CCDC7: variants seen among roughly 807,000 people sequenced by gnomAD.
CCDC7 encodes the protein coiled-coil domain containing 7, also known as coiled-coil domain-containing protein 7.
A neutral mutation model predicts 196.9 loss-of-function variants in CCDC7; 183 were observed. The ratio of observed to expected loss-of-function variants is 0.93; its 90% CI spans 0.82 to 1.05. The LOEUF is 1.05. CCDC7 is among the 50% of genes least tolerant of loss of function. CCDC7 has a pLI of 0.00. For missense variants in CCDC7, 1,540 were observed against 1,482.2 expected (o/e 1.04, Z -0.64); for synonymous variants, 525 against 484.6 (o/e 1.08, Z -1.10).
chr10:32,456,366 AAT>A, intron 3 of CCDC7, 32 bp downstream of exon 4: 1 of 1,438,248 alleles, frequency 7.0e-7, no homozygotes, highest in African/African-American at 1.4e-5. Flanking sequence ...TCAAGTATAA[AAT>A]ATCAAACTTG....
At chr10:32,818,473 C>G (rs1156625595) in intron 31 of CCDC7, among the ~76,000 whole-genome samples, 3 of 152,136 alleles carry the variant, frequency 2.0e-5, no homozygotes, top group Admixed American at 1.3e-4. Flanking sequence ...GAACTCAGCT[C>G]TGCACCAAGT....
At chr10:32,461,738 TATATATATATATAC>T (rs1316783256) in intron 3 of CCDC7, among the ~76,000 whole-genome samples, 1,120 of 71,880 alleles carry the variant, frequency 0.016, 15 homozygotes, top group East Asian at 0.03. Context: ...TATGTATATA[TATATATATATATAC>T]ATATATATAT....
At chr10:32,818,119 C>A (rs2089231461) in intron 31 of CCDC7, among the ~76,000 whole-genome samples, 1 of 151,920 alleles carries the variant, frequency 6.6e-6, no homozygotes, top group South Asian at 2.1e-4. Flanking sequence ...CACACATAGG[C>A]TCAAAATAAA....
chr10:32,471,417 G>T (rs929406796), intron 6 of CCDC7, among the ~76,000 whole-genome samples, 187 bp downstream of exon 7: 1 of 152,130 alleles, frequency 6.6e-6, no homozygotes, highest in Non-Finnish European at 1.5e-5. Context: ...GGAGACATTT[G>T]CTGCATGTGG....
intron 24 of CCDC7, among the ~76,000 whole-genome samples, chr10:32,701,446 C>A (rs2078705967): frequency 6.6e-6 from 1 of 152,100 alleles, no homozygotes; most frequent in South Asian, 2.1e-4. Context: ...TTTTTACATC[C>A]ATGTTCATCA....
rs558412462 is a variant in CCDC7 at position 32,504,332 on chromosome 10, G to A, written c.872+12335G>A. Among the ~76,000 whole-genome samples, 3 of 152,036 alleles carry A rather than the reference G, an allele frequency of 2.0e-5. No individual in the cohort carries two copies. In the South Asian group the frequency reaches 6.2e-4, roughly 32 times the overall value. On this transcript the variant is annotated intron_variant, in intron 9 of 41. Coordinates refer to ENST00000639629, the Ensembl canonical transcript of CCDC7. ...GGGGTTTCACCGTGTTAGCCAGGAT[G>A]GTCTTGATCTGACCATGTGATCTGC...
In CCDC7 at chr10:32,777,279, C is replaced by A. The variant is rs181260336; in HGVS notation, c.2906-1698C>A. Among the ~76,000 whole-genome samples, 3 of 152,262 alleles carry A rather than the reference C, an allele frequency of 2.0e-5. No homozygotes were observed. In the East Asian group the frequency reaches 5.8e-4, roughly 29 times the overall value. On this transcript the variant is annotated intron_variant, in intron 28 of 41. Coordinates refer to ENST00000639629, the Ensembl canonical transcript of CCDC7. ...ACCACATTTTCTATATCCAGTTCAC[C>A]ATTGATGAGCACCTACGTTGATTCT... is the stretch of plus-strand genomic sequence containing the variant.
intron 20 of CCDC7, among the ~76,000 whole-genome samples, chr10:32,644,880 A>G (rs1248486464): frequency 6.6e-6 from 1 of 152,316 alleles, no homozygotes; most frequent in South Asian, 2.1e-4. Flanking sequence ...TGTCTTTATC[A>G]GCAACATGAA....
intron 8 of CCDC7, among the ~76,000 whole-genome samples, chr10:32,488,461 G>A (rs1004563312): frequency 2.0e-5 from 3 of 152,104 alleles, no homozygotes; most frequent in Admixed American, 6.5e-5. Flanking sequence ...GCTGTGCTTC[G>A]GCTGATGCTC....
intron 29 of CCDC7, among the ~76,000 whole-genome samples, chr10:32,796,620 C>T (rs1258636688): frequency 6.6e-6 from 1 of 152,166 alleles, no homozygotes; most frequent in Non-Finnish European, 1.5e-5. Flanking sequence ...ACTTATTTGC[C>T]ATGCCCAAAA....
At chr10:32,634,631 G>A (rs536826514) in intron 19 of CCDC7, among the ~76,000 whole-genome samples, 9 of 152,170 alleles carry the variant, frequency 5.9e-5, no homozygotes, top group East Asian at 1.9e-4. Context: ...TCCTGACCTC[G>A]TGATCCACCC....
intron 28 of CCDC7, among the ~76,000 whole-genome samples, chr10:32,777,252 G>A (rs995727378): frequency 2.0e-5 from 3 of 152,130 alleles, no homozygotes; most frequent in Non-Finnish European, 4.4e-5. Context: ...TGGTATATAT[G>A]TACCACATTT....
intron 13 of CCDC7, among the ~76,000 whole-genome samples, chr10:32,556,910 T>G (rs552798690): frequency 1.4e-4 from 22 of 152,368 alleles, no homozygotes; most frequent in Admixed American, 1.4e-3. Context: ...CTGAAGTTAC[T>G]TAGTCCCATC....
At chr10:32,868,797 C>A (rs999277867) in intron 41 of CCDC7, among the ~76,000 whole-genome samples, 1 of 149,690 alleles carries the variant, frequency 6.7e-6, no homozygotes, top group Non-Finnish European at 1.5e-5. Flanking sequence ...CAATTCCCAC[C>A]TATGAGTGAG....
chr10:32,742,822 AC>A (rs2086100390), intron 28 of CCDC7, among the ~76,000 whole-genome samples: 2 of 152,164 alleles, frequency 1.3e-5, no homozygotes, highest in African/African-American at 4.8e-5. Context: ...GTCCACTCTT[AC>A]AATCTCATTT....
chr10:32,803,659 A>G (rs1479115550), intron 29 of CCDC7, among the ~76,000 whole-genome samples: 1 of 152,072 alleles, frequency 6.6e-6, no homozygotes, highest in Non-Finnish European at 1.5e-5. Flanking sequence ...GGCATCATAT[A>G]GTTGCTTCTT....
chr10:32,771,402 A>G (rs2079136468), intron 28 of CCDC7, among the ~76,000 whole-genome samples: 3 of 152,214 alleles, frequency 2.0e-5, no homozygotes, highest in African/African-American at 7.2e-5. Context: ...TTTGCAGGAT[A>G]CAGTATTCTT....
At chr10:32,515,103 G>A (rs1304732031) in intron 9 of CCDC7, among the ~76,000 whole-genome samples, 2 of 152,156 alleles carry the variant, frequency 1.3e-5, no homozygotes, top group Admixed American at 1.3e-4. Context: ...TGTGATTACA[G>A]GTGTGAGCCA....
In CCDC7 at chr10:32,671,462, C is replaced by G. The variant is rs532125136; in HGVS notation, c.2122+7301C>G. 2.0e-5 allele frequency among the ~76,000 whole-genome samples: 3 copies of G among 152,162 alleles called. No individual in the cohort carries two copies. The East Asian group carries it at 5.8e-4, about 29-fold the overall frequency. ...TAGGTTTATGCAATGATAAAATTGC[C>G]TAATGACACGTTTCAAGACATATCC... On this transcript the variant is annotated intron_variant, in intron 21 of 41. Coordinates refer to ENST00000639629, the Ensembl canonical transcript of CCDC7.
Sources: gnomAD v4.1 joint callset for allele counts (sites outside exome capture counted in the v4.1 genomes callset) on GRCh38, gnomAD v4.1.1 for gene constraint, MANE v1.5 for transcripts, NCBI Gene and HGNC (gene_info 2026-07-23, HGNC 2026-07-21) for gene names.